Variants in SUGCT observed in about 807,000 individuals in gnomAD.
SUGCT encodes succinyl-CoA:glutarate-CoA transferase, also known as succinyl-CoA:glutarate CoA-transferase.
In SUGCT, 41 loss-of-function variants were observed where a neutral mutation model predicts 55.0. The observed-to-expected ratio is 0.74, with a 90% CI of 0.58 to 0.97. SUGCT has a LOEUF of 0.97. Among genes scored for constraint, SUGCT ranks in the 50% least tolerant of loss-of-function variants. The pLI, the probability that SUGCT is intolerant of heterozygous loss-of-function variation, is 0.00. For synonymous variants in SUGCT, 187 were observed against 200.4 expected, an observed-to-expected ratio of 0.93 and a Z score of 0.56; for missense variants, 568 against 547.8, an observed-to-expected ratio of 1.04 and a Z score of -0.37.
At chr7:40,450,439 C>T (rs1789126952) in intron 10 of SUGCT, among the ~76,000 whole-genome samples, 1 of 149,124 alleles carries the variant, frequency 6.7e-6, no homozygotes, top group African/African-American at 2.5e-5. Context: ...AGACAATCAG[C>T]TTTTATACTA....
the SUGCT span, among the ~76,000 whole-genome samples, chr7:40,900,088 T>C: frequency 0.44 from 67,356 of 152,096 alleles, 15,107 homozygotes; most frequent in Middle Eastern, 0.64. Flanking sequence ...CAGCGAAGCA[T>C]TGGCCAGGCT....
At chr7:40,224,987 T>C (rs1055259370) in intron 6 of SUGCT, among the ~76,000 whole-genome samples, 21 of 152,144 alleles carry the variant, frequency 1.4e-4, no homozygotes, top group Non-Finnish European at 2.8e-4. Context: ...TGCAGTGGGG[T>C]ACCATGAGGG....
At chr7:40,720,226 ATT>A (rs1485729746) in intron 12 of SUGCT, among the ~76,000 whole-genome samples, 2 of 152,222 alleles carry the variant, frequency 1.3e-5, no homozygotes, top group Non-Finnish European at 2.9e-5. Context: ...GGTCCTGAGT[ATT>A]CTTATCTATT....
At chr7:40,772,167 T>C (rs905906273) in intron 13 of SUGCT, among the ~76,000 whole-genome samples, 2 of 152,134 alleles carry the variant, frequency 1.3e-5, no homozygotes, top group African/African-American at 4.8e-5. Flanking sequence ...TTCTTCACTT[T>C]CCACACCAAA....
intron 8 of SUGCT, among the ~76,000 whole-genome samples, chr7:40,302,050 CTGT>C (rs1374196265): frequency 2.6e-5 from 4 of 152,180 alleles, no homozygotes; most frequent in Non-Finnish European, 4.4e-5. Context: ...TGCATTTCCA[CTGT>C]TGTTCTATTT....
In SUGCT at chr7:40,569,166, T is replaced by A. The variant is rs186282757; in HGVS notation, c.1089+72780T>A. ...TAAGTCAATTGCTTGAAATATGAAT[T>A]AAGGGGGATGAGATATAGGGGTCAG... On this transcript the variant is annotated intron_variant, in intron 12 of 13. Coordinates refer to ENST00000335693, the MANE Select transcript of SUGCT (RefSeq NM_001193313.2). 3.9e-5 allele frequency among the ~76,000 whole-genome samples: 6 copies of A among 152,168 alleles called. No homozygotes were observed. The East Asian group carries it at 1.2e-3, about 29-fold the overall frequency.
chr7:40,478,433 A>G (rs1790835274), intron 11 of SUGCT, among the ~76,000 whole-genome samples: 1 of 152,182 alleles, frequency 6.6e-6, no homozygotes. Flanking sequence ...ATGTGCTTTT[A>G]TTGATGATGA....
chr7:40,614,003 C>T (rs912175494), intron 12 of SUGCT, among the ~76,000 whole-genome samples: 9 of 152,168 alleles, frequency 5.9e-5, no homozygotes, highest in Non-Finnish European at 1.3e-4. Flanking sequence ...AATGTCATAT[C>T]TGTGCTAATT....
intron 7 of SUGCT, among the ~76,000 whole-genome samples, chr7:40,242,645 T>C (rs1252939437): frequency 6.6e-6 from 1 of 151,934 alleles, no homozygotes; most frequent in African/African-American, 2.4e-5. Flanking sequence ...ACCTTGCTTC[T>C]GCATGCTGCT....
chr7:40,277,348 A>ATTT (rs34112220), intron 8 of SUGCT, among the ~76,000 whole-genome samples: 53 of 146,642 alleles, frequency 3.6e-4, no homozygotes, highest in African/African-American at 5.2e-4. Context: ...CTCCTGGCTA[A>ATTT]TTTTTTTTTT....
chr7:40,381,630 C>A (rs775959070), intron 9 of SUGCT, among the ~76,000 whole-genome samples: 1 of 152,012 alleles, frequency 6.6e-6, no homozygotes, highest in African/African-American at 2.4e-5. Flanking sequence ...TAGATTCAAT[C>A]ATGTTGTGGT....
chr7:40,329,316 C>A (rs1447442431), intron 9 of SUGCT, among the ~76,000 whole-genome samples: 2 of 152,074 alleles, frequency 1.3e-5, no homozygotes, highest in South Asian at 2.1e-4. Flanking sequence ...TTGAACAAAT[C>A]ATGTTGATGT....
chr7:40,381,071 A>G (rs1223761328), intron 9 of SUGCT, among the ~76,000 whole-genome samples: 1 of 152,086 alleles, frequency 6.6e-6, no homozygotes, highest in African/African-American at 2.4e-5. Context: ...CAGTAGGTGG[A>G]GGGCAGTAGA....
At position 40,231,055 on chromosome 7, in the gene SUGCT, G is replaced by A. The variant is rs538569346; in HGVS notation, c.485-6580G>A. ...GGAATTTCCAGTATCTTGTTTAGAA[G>A]GGATGAGATTCATTAGAGAGATGAG... On this transcript the variant is annotated intron_variant, in intron 6 of 13. Coordinates refer to ENST00000335693, the MANE Select transcript of SUGCT (RefSeq NM_001193313.2). Among the ~76,000 whole-genome samples, 233 of 152,214 alleles carry A rather than the reference G, an allele frequency of 1.5e-3. 1 individual carries two copies. The highest frequency in any genetic ancestry group is 5.0e-3 in the African/African-American group (209 of 41,542).
chr7:40,868,573 C>T, the SUGCT span, among the ~76,000 whole-genome samples: 6 of 152,190 alleles, frequency 3.9e-5, no homozygotes, highest in East Asian at 3.9e-4. Flanking sequence ...AAGAGGTGAG[C>T]GCTTGCTCTG....
chr7:41,021,875 A>G, the SUGCT span, among the ~76,000 whole-genome samples: 1 of 152,164 alleles, frequency 6.6e-6, no homozygotes, highest in Non-Finnish European at 1.5e-5. Flanking sequence ...AAACACAGAT[A>G]TAAAATCTGG....
intron 13 of SUGCT, among the ~76,000 whole-genome samples, chr7:40,846,158 T>C (rs930683540): frequency 4.6e-5 from 7 of 152,178 alleles, no homozygotes; most frequent in Non-Finnish European, 8.8e-5. Context: ...GGCTATAGAC[T>C]TCAGCTGAAC....
At chr7:40,223,497 A>G (rs1342611609) in intron 6 of SUGCT, among the ~76,000 whole-genome samples, 2 of 152,220 alleles carry the variant, frequency 1.3e-5, no homozygotes, top group Non-Finnish European at 2.9e-5. Context: ...TAAACCACCC[A>G]TTAGATAGTT....
At chr7:40,898,205 A>G in the SUGCT span, among the ~76,000 whole-genome samples, 2 of 152,106 alleles carry the variant, frequency 1.3e-5, no homozygotes, top group Non-Finnish European at 2.9e-5. Context: ...TGCCACTTTT[A>G]TGAACTATAA....
Sources: gnomAD v4.1 joint callset for allele counts (sites outside exome capture counted in the v4.1 genomes callset) on GRCh38, gnomAD v4.1.1 for gene constraint, MANE v1.5 for transcripts, NCBI Gene and HGNC (gene_info 2026-07-23, HGNC 2026-07-21) for gene names.